Variants in SND1 observed in about 807,000 individuals in gnomAD.
The protein encoded by SND1 is staphylococcal nuclease domain-containing protein 1.
Under a neutral mutation model 121.7 loss-of-function variants are expected in SND1, and 38 were observed. The ratio of observed to expected loss-of-function variants is 0.31; its 90% CI spans 0.24 to 0.41. The LOEUF is 0.41. SND1 is among the 10% of genes least tolerant of loss of function. The pLI is 1.00. For synonymous variants in SND1, 401 were observed against 447.4 expected, an observed-to-expected ratio of 0.90 and a Z score of 1.31; for missense variants, 868 against 1,184.6, an observed-to-expected ratio of 0.73 and a Z score of 3.92.
chr7:128,042,694 G>C (rs764336951), intron 16 of SND1, among the ~76,000 whole-genome samples: 4 of 152,126 alleles, frequency 2.6e-5, no homozygotes, highest in Admixed American at 6.5e-5. Flanking sequence ...CTGAAAAGGG[G>C]CAGAAATAAG....
chr7:127,791,766 A>G (rs921675246), intron 10 of SND1, among the ~76,000 whole-genome samples: 3 of 152,212 alleles, frequency 2.0e-5, no homozygotes, highest in Non-Finnish European at 4.4e-5. Flanking sequence ...TCATCTTGCT[A>G]TAGTAGAAAA....
chr7:128,078,750 T>G (rs567345533), intron 17 of SND1, among the ~76,000 whole-genome samples: 9 of 152,384 alleles, frequency 5.9e-5, no homozygotes, highest in Non-Finnish European at 1.0e-4. Flanking sequence ...TCAACACTGC[T>G]GAGGGGCCGC....
chr7:127,913,693 ATT>A (rs1303776051), intron 14 of SND1, among the ~76,000 whole-genome samples: 3 of 152,128 alleles, frequency 2.0e-5, no homozygotes, highest in Non-Finnish European at 4.4e-5. Flanking sequence ...GAGGTGTGTG[ATT>A]GGATTGTCTG....
intron 10 of SND1, among the ~76,000 whole-genome samples, chr7:127,750,274 A>T (rs1797062419): frequency 6.6e-6 from 1 of 152,164 alleles, no homozygotes; most frequent in African/African-American, 2.4e-5. Flanking sequence ...CTGAAGGTTG[A>T]TTTGGAGGAT....
rs1183732485 is a variant in SND1, at chr7:128,089,525, C to T, written c.2455C>T (p.Arg819Trp). 5 of 1,613,994 alleles carry T rather than the reference C, an allele frequency of 3.1e-6. No individual in the cohort carries two copies. Among genetic ancestry groups the T allele is most frequent in the Non-Finnish European group, 4.2e-6 (5 of 1,179,976 alleles). The change falls in exon 22 of 24, where the codon CGG (arginine) becomes TGG (tryptophan). Residue 819 changes from arginine to tryptophan, a missense_variant. Physicochemically the swap from Arg to Trp is moderately radical, Grantham distance 101. Transcript: ENST00000354725. Reference sequence around the variant, plus strand: ...CACGGACGCCGTGGACAGCGTAGTTCGGGATATCCAGAACACTCAGTGCCT... The same window carrying T: ...CACGGACGCCGTGGACAGCGTAGTTTGGGATATCCAGAACACTCAGTGCCT... ...ARTDAVDSVV[R>W]DIQNTQCLLN... is the part of the protein sequence containing the mutation.
rs1282123535 is a variant in SND1 at position 128,057,139 on chromosome 7, A to C, written c.1780-17363A>C. The stretch of plus-strand genomic sequence containing the variant: ...CTGGAATTTTCCATTTAATATTTTC[A>C]GACAGCGGTTGACCACGGGTAAATG... On this transcript the variant is annotated intron_variant, in intron 16 of 23. Coordinates refer to ENST00000354725, the MANE Select transcript of SND1 (RefSeq NM_014390.4). 2.6e-5 allele frequency among the ~76,000 whole-genome samples: 4 copies of C among 152,238 alleles called. No individual in the cohort carries two copies. In the East Asian group the frequency reaches 7.7e-4, roughly 29 times the overall value.
chr7:127,660,352 G>A (rs1795286885), intron 1 of SND1, among the ~76,000 whole-genome samples: 1 of 152,200 alleles, frequency 6.6e-6, no homozygotes, highest in East Asian at 1.9e-4. Context: ...CTGGCTCATA[G>A]GGAGAGTCTA....
intron 10 of SND1, among the ~76,000 whole-genome samples, chr7:127,805,505 T>C (rs555828692): frequency 6.6e-6 from 1 of 152,200 alleles, no homozygotes; most frequent in African/African-American, 2.4e-5. Context: ...CAAATTTCCT[T>C]GACACTGAAA....
At chr7:127,798,918 T>C (rs1272986568) in intron 10 of SND1, among the ~76,000 whole-genome samples, 3 of 152,034 alleles carry the variant, frequency 2.0e-5, no homozygotes, top group Middle Eastern at 3.2e-3. Flanking sequence ...TGGTGGTGCA[T>C]ACCTATAGTC....
chr7:128,076,617 T>C (rs1157976087), intron 17 of SND1, among the ~76,000 whole-genome samples: 1 of 152,088 alleles, frequency 6.6e-6, no homozygotes, highest in African/African-American at 2.4e-5. Context: ...GTATCTGGGG[T>C]GTACCCAGCC....
intron 15 of SND1, among the ~76,000 whole-genome samples, chr7:127,961,365 G>T (rs1182882694): frequency 6.6e-6 from 1 of 152,136 alleles, no homozygotes; most frequent in African/African-American, 2.4e-5. Context: ...AAATAAAGCT[G>T]TATGATAGTA....
At chr7:127,922,254 C>T (rs915828744) in intron 14 of SND1, among the ~76,000 whole-genome samples, 14 of 130,330 alleles carry the variant, frequency 1.1e-4, no homozygotes, top group African/African-American at 1.4e-4. Context: ...CTCTAACTCC[C>T]GGGCTCAAGC....
At chr7:127,875,603 A>G (rs1335223034) in intron 12 of SND1, among the ~76,000 whole-genome samples, 2 of 152,196 alleles carry the variant, frequency 1.3e-5, no homozygotes, top group East Asian at 3.9e-4. Context: ...CTGGCTTCTA[A>G]TCATGGCTCT....
intron 16 of SND1, chr7:127,998,069 A>G (rs759433734): frequency 2.0e-6 from 1 of 494,344 alleles, no homozygotes; most frequent in Non-Finnish European, 4.3e-6. Flanking sequence ...TTGTCTTTGT[A>G]CTCCAGTGCC....
chr7:127,852,810 CAA>C (rs61595990), intron 12 of SND1, among the ~76,000 whole-genome samples: 3 of 144,914 alleles, frequency 2.1e-5, no homozygotes, highest in African/African-American at 2.6e-5. Context: ...GACTTGGTCT[CAA>C]AAAAAAAAAG....
chr7:127,928,725 A>G (rs1224973015), intron 14 of SND1, among the ~76,000 whole-genome samples: 2 of 152,000 alleles, frequency 1.3e-5, no homozygotes, highest in East Asian at 3.9e-4. Context: ...AGTAGCTGGG[A>G]TTACAGGCAT....
At chr7:128,067,577 G>T (rs897033668) in intron 16 of SND1, among the ~76,000 whole-genome samples, 2 of 152,116 alleles carry the variant, frequency 1.3e-5, no homozygotes, top group African/African-American at 4.8e-5. Flanking sequence ...CTTGGGACCT[G>T]CCTGTCCTGC....
chr7:127,904,084 C>T (rs979221480), intron 13 of SND1, among the ~76,000 whole-genome samples: 11 of 152,248 alleles, frequency 7.2e-5, no homozygotes, highest in African/African-American at 2.6e-4. Flanking sequence ...GGCTTCTGTC[C>T]CCAGAGCTAC....
intron 11 of SND1, among the ~76,000 whole-genome samples, chr7:127,822,114 C>T (rs1563025421): frequency 1.3e-5 from 2 of 151,982 alleles, no homozygotes; most frequent in Non-Finnish European, 2.9e-5. Flanking sequence ...CTTTCTTTTG[C>T]CCTAGTCCTT....
Sources: gnomAD v4.1 joint callset for allele counts (sites outside exome capture counted in the v4.1 genomes callset) on GRCh38, gnomAD v4.1.1 for gene constraint, MANE v1.5 for transcripts, NCBI Gene and HGNC (gene_info 2026-07-23, HGNC 2026-07-21) for gene names.